The following LRP2 variants were observed in gnomAD, a reference collection of about 807,000 sequenced individuals.
LRP2 encodes the protein low-density lipoprotein receptor-related protein 2.
Under a neutral mutation model 531.0 loss-of-function variants are expected in LRP2, and 172 were observed. The observed-to-expected ratio is 0.32, with a 90% CI of 0.29 to 0.37. The LOEUF is 0.37. LRP2 is among the 10% of genes least tolerant of loss of function. LRP2 has a pLI of 1.00. For missense variants in LRP2, 5,167 were observed against 5,868.3 expected, an observed-to-expected ratio of 0.88 and a Z score of 3.90; for synonymous variants, 1,992 against 2,027.6, an observed-to-expected ratio of 0.98 and a Z score of 0.47.
chr2:169,305,930 A>G lies in LRP2; in HGVS notation c.427+1351T>C, dbSNP rs550165203. ...GTTTGTAGCCTAGGAGCAACAGTAT[A>G]TGCCTAGGGTATATACTGTTTACCC... On this transcript the variant is annotated intron_variant, in intron 4 of 78. Transcript: ENST00000649046. 2.0e-5 allele frequency among the ~76,000 whole-genome samples: 3 copies of G among 152,266 alleles called. No individual in the cohort carries two copies. The South Asian group carries it at 6.2e-4, about 32-fold the overall frequency.
At chr2:169,216,061 A>G (rs1177023696) in intron 35 of LRP2, among the ~76,000 whole-genome samples, 192 bp downstream of exon 35, 1 of 152,080 alleles carries the variant, frequency 6.6e-6, no homozygotes, top group Non-Finnish European at 1.5e-5. Flanking sequence ...TGCACATACT[A>G]TAAAGAACTG....
intron 33 of LRP2, among the ~76,000 whole-genome samples, chr2:169,223,055 T>A (rs540394346): frequency 1.3e-5 from 2 of 152,252 alleles, no homozygotes; most frequent in Admixed American, 1.3e-4. Context: ...AGAAAAAAAA[T>A]GTTTATTCAT....
At chr2:169,354,658 T>C (rs1398219682) in intron 1 of LRP2, among the ~76,000 whole-genome samples, 1 of 152,236 alleles carries the variant, frequency 6.6e-6, no homozygotes, top group African/African-American at 2.4e-5. Context: ...AGAATGATAA[T>C]GTCTCCATTT....
chr2:169,328,648 A>G (rs910234603), intron 1 of LRP2, among the ~76,000 whole-genome samples: 1 of 152,106 alleles, frequency 6.6e-6, no homozygotes, highest in African/African-American at 2.4e-5. Flanking sequence ...AGCTTTATAC[A>G]TATCCACTGG....
In LRP2 at chr2:169,137,647, T is replaced by C. The variant is rs1278955716; in HGVS notation, c.13519-154A>G. The stretch of plus-strand genomic sequence containing the variant: ...GTCATAAGTTACCCAAAAGAGAACT[T>C]GCAAAAAAAAAAAAAAAAAAAGGCC... On this transcript the variant is annotated intron_variant, in intron 75 of 78. Transcript: ENST00000649046. 7.9e-5 allele frequency among the ~76,000 whole-genome samples: 7 copies of C among 88,906 alleles called. No individual in the cohort carries two copies. The South Asian group carries it at 9.2e-4, about 12-fold the overall frequency. The allele number at this position is 88,906 out of a possible 152,430, so 58.3% of individuals were successfully genotyped here. A position where few individuals can be genotyped will look rare whatever the true frequency, so the allele number is the denominator to read the frequency against.
In LRP2 at chr2:169,243,559, T is replaced by A. The variant is rs545491460; in HGVS notation, c.3431-37A>T. On this transcript the variant is annotated intron_variant, in intron 22 of 78. Coordinates refer to ENST00000649046, the MANE Select transcript of LRP2 (RefSeq NM_004525.3). The stretch of plus-strand genomic sequence containing the variant: ...CGAAAACAAAACCAACAAGTTTATT[T>A]CCTGTGCAACAAGTACCAGAGCCAA... The A allele has an allele frequency of 1.1e-5, 17 of 1,613,308 alleles. No individual in the cohort carries two copies. In the South Asian group the frequency reaches 1.9e-4, roughly 18 times the overall value.
At chr2:169,326,155 TCCCTCTCCCTCTCCCTC>T (rs1559076317) in intron 1 of LRP2, among the ~76,000 whole-genome samples, 14 of 62,434 alleles carry the variant, frequency 2.2e-4, no homozygotes, top group African/African-American at 5.1e-4. Flanking sequence ...CCTCTCCCTC[TCCCTCTCCCTCTCCCTC>T]CCCCTCTCCC....
chr2:169,343,581 A>G (rs971496433), intron 1 of LRP2, among the ~76,000 whole-genome samples: 4 of 152,226 alleles, frequency 2.6e-5, no homozygotes, highest in Non-Finnish European at 5.9e-5. Flanking sequence ...CCTATAAGGT[A>G]GAAATTACTA....
chr2:169,183,667 A>C (rs1393620316), intron 50 of LRP2, among the ~76,000 whole-genome samples: 1 of 152,228 alleles, frequency 6.6e-6, no homozygotes, highest in African/African-American at 2.4e-5. Context: ...TCCTGTGAAC[A>C]GATTCTTCTC....
intron 31 of LRP2, among the ~76,000 whole-genome samples, chr2:169,226,975 GA>G (rs922045710): frequency 2.2e-4 from 32 of 142,300 alleles, no homozygotes; most frequent in South Asian, 4.4e-4. Context: ...GTTGAGTTTT[GA>G]AAAAAAAAAA....
chr2:169,175,251 A>G lies in LRP2; in HGVS notation c.10710T>C (p.Thr3570=). The G allele has an allele frequency of 6.2e-7, 1 of 1,614,184 alleles. No individual in the cohort carries two copies. Among genetic ancestry groups the G allele is most frequent in the South Asian group, 1.1e-5 (1 of 91,086 alleles). ...GGCAATTTTGGTGAGCATTGCATAA[A>G]GTCTGCGGGCTGGTGCAGTTGCCGT... ...CSDGNCTSPQ[T]LCNAHQNCPD... is the part of the protein sequence containing the mutation. Residue 3570 remains threonine, a synonymous_variant, in exon 55 of 79, where the codon ACT becomes ACC. Transcript: ENST00000649046.
intron 3 of LRP2, among the ~76,000 whole-genome samples, chr2:169,312,168 T>C (rs949795092): frequency 4.6e-5 from 7 of 152,124 alleles, no homozygotes; most frequent in Non-Finnish European, 7.4e-5. Flanking sequence ...TTTGCCAGTC[T>C]GTGTCTTTTA....
Position 169,273,132 on chromosome 2 carries a change from C to T in LRP2, c.1976-65G>A, listed in dbSNP as rs946351406. On this transcript the variant is annotated intron_variant, in intron 14 of 78. Transcript: ENST00000649046. ...ATGTGTAATTATCCAAGACATGAAG[C>T]CACTTCTAGCCCTTTTCACCTATAG... The T allele has an allele frequency of 1.9e-6, 3 of 1,565,636 alleles. No individual in the cohort carries two copies. The Admixed American group carries it at 5.0e-5, about 26-fold the overall frequency.
At chr2:169,233,889 T>G (rs539138787) in intron 29 of LRP2, among the ~76,000 whole-genome samples, 7 of 152,202 alleles carry the variant, frequency 4.6e-5, no homozygotes, top group Non-Finnish European at 1.0e-4. Flanking sequence ...AGCAAGGTGA[T>G]GTATCCGGAT....
intron 58 of LRP2, 81 bp downstream of exon 58, chr2:169,171,933 AC>A: frequency 6.5e-7 from 1 of 1,537,042 alleles, no homozygotes; most frequent in Non-Finnish European, 9.0e-7. Context: ...AGGATCAATG[AC>A]ATAGACAGTT....
rs769141485 is a variant in LRP2 at position 169,233,584 on chromosome 2, A to G, written c.4925T>C (p.Ile1642Thr). 2 of 1,614,192 alleles carry G rather than the reference A, an allele frequency of 1.2e-6. No individual in the cohort carries two copies. Among genetic ancestry groups the G allele is most frequent in the Non-Finnish European group, 1.7e-6 (2 of 1,180,016 alleles). The change falls in exon 30 of 79, where the codon ATA becomes ACA. Residue 1642 changes from isoleucine (I) to threonine (T), a missense_variant. This residue lies in a region of LRP2 where 2,811 missense variants were observed against 3,058.0 expected (regional missense o/e 0.92). Transcript: ENST00000649046. ...GAGAGTTAGGGCATAGGGGTGCCGTATAATCTGTGAGGCAGAAGAGAACAG... is the reference window on the plus strand; with the variant it reads ...GAGAGTTAGGGCATAGGGGTGCCGTGTAATCTGTGAGGCAGAAGAGAACAG... ...RRQVIASDLI[I>T]RHPYALTLFE...
intron 1 of LRP2, among the ~76,000 whole-genome samples, chr2:169,343,424 T>C (rs532071460): frequency 6.6e-6 from 1 of 152,332 alleles, no homozygotes; most frequent in Non-Finnish European, 1.5e-5. Context: ...CACAGCATGG[T>C]GGCTGCTTTG....
intron 4 of LRP2, among the ~76,000 whole-genome samples, chr2:169,303,161 T>C (rs1684327896): frequency 1.3e-5 from 2 of 152,174 alleles, no homozygotes; most frequent in African/African-American, 4.8e-5. Flanking sequence ...GGGTTCACTA[T>C]ACACTTCATG....
chr2:169,138,145 C>A (rs1021310085), intron 75 of LRP2, among the ~76,000 whole-genome samples: 1 of 152,128 alleles, frequency 6.6e-6, no homozygotes, highest in Non-Finnish European at 1.5e-5. Flanking sequence ...TGGACCAACG[C>A]CAACTCTAAA....
Sources: allele counts gnomAD v4.1 joint callset (sites outside exome capture counted in the v4.1 genomes callset), GRCh38; gene constraint gnomAD v4.1.1; regional missense constraint gnomAD v4.1.1; transcripts MANE v1.5; gene names NCBI Gene and HGNC (gene_info 2026-07-23, HGNC 2026-07-21).